FREM2: variants seen among roughly 807,000 people sequenced by gnomAD.
FREM2 encodes FRAS1 related extracellular matrix 2.
Under a neutral mutation model 219.9 loss-of-function variants are expected in FREM2, and 119 were observed. That is an observed-to-expected ratio of 0.54 (90% CI 0.47 to 0.63). FREM2 has a LOEUF of 0.63. FREM2 is among the 30% of genes least tolerant of loss of function. The probability of loss-of-function intolerance (pLI) is 0.00; values close to 1 mark genes in which losing one functional copy is unlikely to be tolerated. For missense variants in FREM2, 4,030 were observed against 3,993.6 expected (o/e 1.01, Z -0.25); for synonymous variants, 1,562 against 1,522.8 (o/e 1.03, Z -0.60).
intron 4 of FREM2, among the ~76,000 whole-genome samples, chr13:38,771,708 G>C (rs1263572227): frequency 6.6e-6 from 1 of 152,042 alleles, no homozygotes; most frequent in Non-Finnish European, 1.5e-5. Context: ...TTCAAGTCAT[G>C]AAAATCCTTG....
intron 6 of FREM2, among the ~76,000 whole-genome samples, chr13:38,804,527 A>G (rs1593417827): frequency 6.6e-6 from 1 of 152,130 alleles, no homozygotes. Context: ...ATAGGCCAAG[A>G]ACTCACAATA....
In FREM2 at chr13:38,884,659, A is replaced by G. The variant is rs993105677; in HGVS notation, c.*3872A>G. The G allele has an allele frequency of 3.3e-5, 5 of 152,222 alleles. No homozygotes were observed. The highest frequency in any genetic ancestry group is 1.2e-4 in the African/African-American group (5 of 41,468). 9.4% of individuals were successfully genotyped at this position (152,222 alleles called of 1,614,324 possible). ...TAAAAGGATGAAAACAAGTGTCTTC[A>G]CTAAGCGTATGGCCAATAAATGGGA... On this transcript the variant is annotated 3_prime_UTR_variant, in exon 24 of 24. Transcript: ENST00000280481.
Position 38,687,517 on chromosome 13 carries a change from C to T in FREM2, c.173C>T (p.Pro58Leu), listed in dbSNP as rs773105875. ...PAAFGRALLS[P>L]GLAGAAGVPA... The stretch of plus-strand genomic sequence containing the variant: ...GCCTTCGGCAGGGCGTTGCTGTCCC[C>T]TGGTCTCGCGGGGGCTGCAGGGGTC... The change falls in exon 1 of 24, where the codon CCT becomes CTT. Residue 58 changes from proline to leucine, a missense_variant. Pro to Leu is a moderately conservative substitution (Grantham distance 98). Coordinates refer to ENST00000280481, the MANE Select transcript of FREM2 (RefSeq NM_207361.6). The T allele has an allele frequency of 5.6e-6, 9 of 1,597,758 alleles. No individual in the cohort carries two copies. The highest frequency in any genetic ancestry group is 6.8e-6 in the Non-Finnish European group (8 of 1,172,628).
chr13:38,692,008 A>T lies in FREM2; in HGVS notation c.4664A>T (p.Glu1555Val). ...GAAAACAAGCTGATTACTCCTTTTG[A>T]GCTCACTGTCGAAGACAGAGATACT... is the stretch of plus-strand genomic sequence containing the variant. Reference protein sequence around the residue: ...ESENKLITPFELTVEDRDTPD... With the variant: ...ESENKLITPFVLTVEDRDTPD... Residue 1555 changes from glutamate (E) to valine (V), a missense_variant, in exon 1 of 24, where the codon GAG becomes GTG. Coordinates refer to ENST00000280481, the MANE Select transcript of FREM2 (RefSeq NM_207361.6). 2 of 1,614,202 alleles carry T rather than the reference A, an allele frequency of 1.2e-6. No homozygotes were observed. Among genetic ancestry groups the T allele is most frequent in the Non-Finnish European group, 1.7e-6 (2 of 1,180,040 alleles).
intron 4 of FREM2, among the ~76,000 whole-genome samples, chr13:38,776,711 G>A (rs776270123): frequency 6.6e-6 from 1 of 152,024 alleles, no homozygotes; most frequent in Admixed American, 6.6e-5. Flanking sequence ...GGTGGAAAAT[G>A]AGAGGGAGTG....
In FREM2 at chr13:38,753,225, G is replaced by A. The variant is rs1233547654; in HGVS notation, c.5264-11079G>A. ...AAATAATTTAAAAAATTATATCTGGGCTGCTTTAAAGAAAATAAAGTAAGT... is the reference window on the plus strand; with the variant it reads ...AAATAATTTAAAAAATTATATCTGGACTGCTTTAAAGAAAATAAAGTAAGT... On this transcript the variant is annotated intron_variant, in intron 2 of 23. Transcript: ENST00000280481. Among the ~76,000 whole-genome samples the A allele has an allele frequency of 4.0e-5, 6 of 151,776 alleles. No individual in the cohort carries two copies. In the East Asian group the frequency reaches 1.2e-3, roughly 29 times the overall value.
intron 18 of FREM2, 36 bp from the exon 19 acceptor site, chr13:38,875,986 A>G: frequency 1.3e-6 from 2 of 1,575,836 alleles, no homozygotes; most frequent in Non-Finnish European, 1.7e-6. Context: ...TAATTGAACC[A>G]CTATATCATT....
intron 6 of FREM2, among the ~76,000 whole-genome samples, chr13:38,810,838 G>A (rs1031324374): frequency 3.9e-5 from 6 of 151,922 alleles, no homozygotes; most frequent in African/African-American, 1.4e-4. Context: ...GAGTTTGAAA[G>A]TATTCCCTCT....
intron 6 of FREM2, among the ~76,000 whole-genome samples, chr13:38,818,625 T>C (rs1487581537): frequency 1.3e-5 from 2 of 152,124 alleles, no homozygotes; most frequent in African/African-American, 4.8e-5. Context: ...CAGTGTTCTA[T>C]TGCACAGTAG....
intron 6 of FREM2, among the ~76,000 whole-genome samples, chr13:38,815,954 C>T (rs1875748112): frequency 6.6e-6 from 1 of 152,108 alleles, no homozygotes; most frequent in South Asian, 2.1e-4. Flanking sequence ...TTGGTGGGGA[C>T]AAACAAACCA....
intron 6 of FREM2, among the ~76,000 whole-genome samples, chr13:38,817,167 C>T (rs1381026751): frequency 1.3e-5 from 2 of 152,178 alleles, no homozygotes; most frequent in South Asian, 2.1e-4. Flanking sequence ...AATGCAATTC[C>T]TATCAAAATG....
intron 2 of FREM2, among the ~76,000 whole-genome samples, chr13:38,754,876 TGA>T (rs1566129608): frequency 9.4e-5 from 7 of 74,268 alleles, no homozygotes; most frequent in Non-Finnish European, 1.7e-4. Flanking sequence ...ATGATGATGA[TGA>T]TGATGATGAT....
chr13:38,859,561 GC>G lies in FREM2; in HGVS notation c.7493del (p.Pro2498LeufsTer3). ...GGGGATGAAGGCCTGGAGCTCATGA[GC>G]CCTATTGTAACCATCAGCAGAGAAG... ...TNGDEGLELM[S>X]PIVTISREEG... On this transcript the variant is annotated frameshift_variant, in exon 14 of 24. Transcript: ENST00000280481. LOFTEE classifies it high-confidence loss of function. 1 of 1,614,018 alleles carries G rather than the reference GC, an allele frequency of 6.2e-7. No individual in the cohort carries two copies. The highest frequency in any genetic ancestry group is 8.5e-7 in the Non-Finnish European group (1 of 1,180,000).
chr13:38,864,256 T>C lies in FREM2; in HGVS notation c.7652-19T>C, dbSNP rs928850896. ...TGGCTACTTGAAAGACTGTTAACAA[T>C]GATTTCGATTTATCATAGGCATGCT... is the stretch of plus-strand genomic sequence containing the variant. On this transcript the variant is annotated intron_variant, in intron 15 of 23. Coordinates refer to ENST00000280481, the MANE Select transcript of FREM2 (RefSeq NM_207361.6). 4 of 1,595,308 alleles carry C rather than the reference T, an allele frequency of 2.5e-6. No individual in the cohort carries two copies. The highest frequency in any genetic ancestry group is 4.5e-5 in the East Asian group (2 of 44,768).
chr13:38,691,820 C>T lies in FREM2; in HGVS notation c.4476C>T (p.Ile1492=). The change falls in exon 1 of 24, where the codon ATC becomes ATT. Residue 1492 remains isoleucine, a synonymous_variant. Transcript: ENST00000280481. ...FTQLQLAGNK[I]YYIHTADDEV... ...AGCTGCAACTGGCTGGAAACAAAAT[C>T]TACTACATCCACACAGCTGATGATG... The T allele has an allele frequency of 5.6e-6, 9 of 1,614,160 alleles. No individual in the cohort carries two copies. Among genetic ancestry groups the T allele is most frequent in the Non-Finnish European group, 7.6e-6 (9 of 1,180,032 alleles).
At chr13:38,739,580 C>G (rs1472513418) in intron 2 of FREM2, among the ~76,000 whole-genome samples, 3 of 150,484 alleles carry the variant, frequency 2.0e-5, no homozygotes, top group African/African-American at 5.0e-5. Context: ...CCTGATCATC[C>G]TTCTCTCTAA....
chr13:38,694,457 C>T (rs543975754), intron 1 of FREM2, among the ~76,000 whole-genome samples: 10 of 152,296 alleles, frequency 6.6e-5, no homozygotes, highest in South Asian at 2.1e-4. Context: ...ATTTAAAAAA[C>T]GGAGAAAGCG....
At chr13:38,879,906 T>C (rs73186708) in intron 23 of FREM2, among the ~76,000 whole-genome samples, 16,657 of 152,218 alleles carry the variant, frequency 0.11, 1,225 homozygotes, top group East Asian at 0.26. Context: ...GTTCAGAAGA[T>C]TTGAGCTGTA....
At position 38,746,223 on chromosome 13, in the gene FREM2, A is replaced by G. The variant is rs1223140145; in HGVS notation, c.5264-18081A>G. On this transcript the variant is annotated intron_variant, in intron 2 of 23. Transcript: ENST00000280481. Reference sequence around the variant, plus strand: ...CTGTGAACTCTTTTTCTGCATAACAACATCTCAATCCTATTTTACCTTTTG... The same window carrying G: ...CTGTGAACTCTTTTTCTGCATAACAGCATCTCAATCCTATTTTACCTTTTG... Among the ~76,000 whole-genome samples the G allele has an allele frequency of 2.4e-4, 37 of 152,188 alleles. 1 individual carries two copies. The highest frequency in any genetic ancestry group is 2.4e-3 in the Admixed American group (36 of 15,272).
Sources: allele counts gnomAD v4.1 joint callset (sites outside exome capture counted in the v4.1 genomes callset), GRCh38; gene constraint gnomAD v4.1.1; transcripts MANE v1.5; gene names NCBI Gene and HGNC (gene_info 2026-07-23, HGNC 2026-07-21).